STARD13: variants seen among roughly 807,000 people sequenced by gnomAD.
STARD13 encodes the protein StAR related lipid transfer domain containing 13.
In STARD13, 62 loss-of-function variants were observed where a neutral mutation model predicts 106.4. The ratio of observed to expected loss-of-function variants is 0.58; its 90% CI spans 0.48 to 0.72. The LOEUF is 0.72. Ranked by LOEUF, STARD13 falls within the 30% of genes least tolerant of loss-of-function variation. The pLI is 0.00. For synonymous variants in STARD13, 565 were observed against 553.0 expected (o/e 1.02, Z -0.31); for missense variants, 1,387 against 1,424.0 (o/e 0.97, Z 0.42).
At chr13:33,308,923 G>GT (rs1249592794) in intron 1 of STARD13, among the ~76,000 whole-genome samples, 1 of 152,194 alleles carries the variant, frequency 6.6e-6, no homozygotes, top group African/African-American at 2.4e-5. Flanking sequence ...TCTGCCCACA[G>GT]TAAGTGCATG....
the STARD13 span, among the ~76,000 whole-genome samples, chr13:33,472,343 A>G: frequency 6.6e-6 from 1 of 151,894 alleles, no homozygotes; most frequent in African/African-American, 2.4e-5. Context: ...AGGTTTTATA[A>G]TTATTTTTTC....
chr13:33,462,010 T>G, the STARD13 span, among the ~76,000 whole-genome samples: 1 of 152,232 alleles, frequency 6.6e-6, no homozygotes, highest in African/African-American at 2.4e-5. Context: ...AAGAAACAAC[T>G]TTGAACTTGT....
At chr13:33,625,184 G>A in the STARD13 span, among the ~76,000 whole-genome samples, 2 of 152,180 alleles carry the variant, frequency 1.3e-5, no homozygotes, top group Non-Finnish European at 2.9e-5. Context: ...CTTCATGCTT[G>A]AGAAAGAAAT....
chr13:33,365,020 C>T, the STARD13 span, among the ~76,000 whole-genome samples: 1 of 152,110 alleles, frequency 6.6e-6, no homozygotes, highest in South Asian at 2.1e-4. Context: ...ACAGAAACTG[C>T]GGGAATTTAC....
At chr13:33,132,334 T>C (rs1878425984) in intron 4 of STARD13, among the ~76,000 whole-genome samples, 1 of 152,150 alleles carries the variant, frequency 6.6e-6, no homozygotes, top group Admixed American at 6.5e-5. Flanking sequence ...TGGGGGTGGT[T>C]CCCCCATACT....
the STARD13 span, among the ~76,000 whole-genome samples, chr13:33,528,229 T>TATATATATAC: frequency 7.6e-6 from 1 of 130,938 alleles, no homozygotes; most frequent in Admixed American, 7.6e-5. Context: ...TGTGTGTGTA[T>TATATATATAC]ATATATATAT....
At chr13:33,506,867 T>C in the STARD13 span, among the ~76,000 whole-genome samples, 1 of 152,166 alleles carries the variant, frequency 6.6e-6, no homozygotes, top group African/African-American at 2.4e-5. Flanking sequence ...ATTCTAGCAG[T>C]TTGAGAGGCC....
At chr13:33,205,564 A>C (rs1594104208) in intron 1 of STARD13, among the ~76,000 whole-genome samples, 1 of 152,370 alleles carries the variant, frequency 6.6e-6, no homozygotes, top group South Asian at 2.1e-4. Context: ...TCTGAGATAA[A>C]ACAATTCTCT....
At chr13:33,417,993 G>T in the STARD13 span, among the ~76,000 whole-genome samples, 3 of 152,304 alleles carry the variant, frequency 2.0e-5, no homozygotes, top group East Asian at 5.8e-4. Context: ...AATAGGAACA[G>T]CTCCAGTGTG....
chr13:33,283,629 T>C (rs1410574697), intron 1 of STARD13, among the ~76,000 whole-genome samples: 2 of 152,212 alleles, frequency 1.3e-5, no homozygotes, highest in Non-Finnish European at 2.9e-5. Context: ...GAAATCTTTA[T>C]TGCTTCCCTG....
chr13:33,331,757 G>A (rs1446093779), intron 1 of STARD13, among the ~76,000 whole-genome samples: 3 of 151,976 alleles, frequency 2.0e-5, no homozygotes, highest in African/African-American at 7.3e-5. Context: ...TCAGTGCAGA[G>A]CATAGCAGAG....
the STARD13 span, among the ~76,000 whole-genome samples, chr13:33,388,080 C>A: frequency 4.6e-5 from 7 of 152,246 alleles, no homozygotes; most frequent in South Asian, 1.0e-3. Flanking sequence ...TTCAATGGTG[C>A]CTTTCTATAA....
the STARD13 span, among the ~76,000 whole-genome samples, chr13:33,665,041 A>G: frequency 3.9e-5 from 6 of 152,256 alleles, no homozygotes; most frequent in Non-Finnish European, 7.3e-5. Flanking sequence ...ACGAGAACGA[A>G]GGAGGGACAG....
At chr13:33,517,129 T>C in the STARD13 span, among the ~76,000 whole-genome samples, 1 of 152,086 alleles carries the variant, frequency 6.6e-6, no homozygotes, top group African/African-American at 2.4e-5. Context: ...AAATTACCTA[T>C]GGGGCTCAGT....
the STARD13 span, among the ~76,000 whole-genome samples, chr13:33,676,122 G>T: frequency 6.6e-6 from 1 of 152,104 alleles, no homozygotes; most frequent in Admixed American, 6.6e-5. Flanking sequence ...CAGGAAACTG[G>T]ACTGTACACA....
the STARD13 span, among the ~76,000 whole-genome samples, chr13:33,556,328 C>G: frequency 6.6e-5 from 10 of 152,110 alleles, no homozygotes; most frequent in Admixed American, 5.9e-4. Context: ...GTCACTCAGG[C>G]TGGAGTGCAG....
chr13:33,399,700 CAAAAAAAA>C, the STARD13 span, among the ~76,000 whole-genome samples: 27 of 26,986 alleles, frequency 1.0e-3, no homozygotes, highest in African/African-American at 2.3e-3. Context: ...GACTCTGTCT[CAAAAAAAA>C]AAAAAAAAAA....
chr13:33,231,443 T>C (rs151083318), intron 1 of STARD13, among the ~76,000 whole-genome samples: 2,124 of 152,242 alleles, frequency 0.014, 33 homozygotes, highest in Non-Finnish European at 0.024. Flanking sequence ...ATAACACACA[T>C]GAGGGCTTAC....
the STARD13 span, among the ~76,000 whole-genome samples, chr13:33,368,755 G>C: frequency 6.6e-6 from 1 of 152,128 alleles, no homozygotes; most frequent in Non-Finnish European, 1.5e-5. Flanking sequence ...GCGGATATGA[G>C]GCAGGCCAAC....
Sources: gnomAD v4.1 joint callset for allele counts (sites outside exome capture counted in the v4.1 genomes callset) on GRCh38, gnomAD v4.1.1 for gene constraint, MANE v1.5 for transcripts, NCBI Gene and HGNC (gene_info 2026-07-23, HGNC 2026-07-21) for gene names.